CATSPERB: variants seen among roughly 807,000 people sequenced by gnomAD.
The protein encoded by CATSPERB is cation channel sperm-associated auxiliary subunit beta.
A neutral mutation model predicts 128.3 loss-of-function variants in CATSPERB; 93 were observed. The observed-to-expected ratio is 0.72, with a 90% CI of 0.61 to 0.86. CATSPERB has a LOEUF of 0.86. CATSPERB is among the 40% of genes least tolerant of loss of function. CATSPERB has a pLI of 0.00. For missense variants in CATSPERB, 1,153 were observed against 1,329.5 expected (o/e 0.87, Z 2.06); for synonymous variants, 381 against 448.8 (o/e 0.85, Z 1.91).
At chr14:91,613,828 C>A (rs1482795259) in intron 20 of CATSPERB, among the ~76,000 whole-genome samples, 2 of 152,114 alleles carry the variant, frequency 1.3e-5, no homozygotes, top group South Asian at 4.1e-4. Flanking sequence ...AAAAAGCACA[C>A]CCTGGGTGGA....
At chr14:91,589,512 T>C in intron 24 of CATSPERB, 22 bp downstream of exon 24, 1 of 1,600,326 alleles carries the variant, frequency 6.2e-7, no homozygotes, top group Non-Finnish European at 8.5e-7. Flanking sequence ...ATAAAATAAT[T>C]ACAGATGAAA....
At chr14:91,670,084 A>G in intron 13 of CATSPERB, 112 bp from the exon 14 acceptor site, 1 of 919,120 alleles carries the variant, frequency 1.1e-6, no homozygotes, top group South Asian at 1.5e-5. Flanking sequence ...AACACAACAT[A>G]GAACTAGAAG....
chr14:91,589,403 T>C, intron 24 of CATSPERB, 131 bp downstream of exon 24: 1 of 785,570 alleles, frequency 1.3e-6, no homozygotes, highest in Non-Finnish European at 1.9e-6. Flanking sequence ...ATATGCCAAC[T>C]GATCCAAATC....
At chr14:91,708,525 G>A (rs1182911601) in intron 5 of CATSPERB, among the ~76,000 whole-genome samples, 2 of 152,104 alleles carry the variant, frequency 1.3e-5, no homozygotes, top group African/African-American at 2.4e-5. Context: ...AGCAAATTGT[G>A]ACTCTTCTTG....
intron 19 of CATSPERB, among the ~76,000 whole-genome samples, chr14:91,618,106 T>A (rs144682792): frequency 0.03 from 4,611 of 152,272 alleles, 216 homozygotes; most frequent in African/African-American, 0.11. Flanking sequence ...AAGGGGTGGA[T>A]TATTCATGCC....
In CATSPERB at chr14:91,712,914, A is replaced by T. The variant is rs1318206975; in HGVS notation, c.371-4678T>A. On this transcript the variant is annotated intron_variant, in intron 5 of 26. Coordinates refer to ENST00000256343, the MANE Select transcript of CATSPERB (RefSeq NM_024764.4). Reference sequence around the variant, plus strand: ...AAACCTACGCAGACATGGGGAGAACACGAGCACTCCACACAGACAGTGGCC... The same window carrying T: ...AAACCTACGCAGACATGGGGAGAACTCGAGCACTCCACACAGACAGTGGCC... 2.0e-5 allele frequency among the ~76,000 whole-genome samples: 3 copies of T among 152,224 alleles called. 1 individual carries two copies. In the East Asian group the frequency reaches 5.8e-4, roughly 29 times the overall value.
At chr14:91,646,933 G>A (rs910472816) in intron 15 of CATSPERB, among the ~76,000 whole-genome samples, 2 of 152,184 alleles carry the variant, frequency 1.3e-5, no homozygotes, top group African/African-American at 4.8e-5. Context: ...AAAAAATCAT[G>A]AATGGCTGGG....
At position 91,726,313 on chromosome 14, in the gene CATSPERB, T is replaced by C. The variant is rs143832511; in HGVS notation, c.80-1145A>G. On this transcript the variant is annotated intron_variant, in intron 2 of 26. Coordinates refer to ENST00000256343, the MANE Select transcript of CATSPERB (RefSeq NM_024764.4). ...AGGCTCCCACCCGTGGATGCTGCCA[T>C]GGAGCCAGAGCCCAGGCGTGCTCGT... Among the ~76,000 whole-genome samples, 815 of 152,306 alleles carry C rather than the reference T, an allele frequency of 5.4e-3. 6 individuals are homozygous for C. In the Middle Eastern group the frequency reaches 0.054, roughly 10 times the overall value.
At chr14:91,618,897 T>C (rs1893992480) in intron 19 of CATSPERB, among the ~76,000 whole-genome samples, 1 of 152,232 alleles carries the variant, frequency 6.6e-6, no homozygotes, top group African/African-American at 2.4e-5. Context: ...GAGTGAGGCC[T>C]GAGATTCTGC....
intron 22 of CATSPERB, chr14:91,604,737 T>C (rs1265907448): frequency 4.3e-6 from 7 of 1,613,742 alleles, no homozygotes; most frequent in African/African-American, 1.3e-5. Flanking sequence ...TTGCTCCACA[T>C]TGGAAAGTTC....
intron 22 of CATSPERB, among the ~76,000 whole-genome samples, chr14:91,601,481 T>C (rs1187403979): frequency 3.9e-5 from 6 of 152,244 alleles, no homozygotes; most frequent in Non-Finnish European, 8.8e-5. Flanking sequence ...TGAATATATA[T>C]GGTAAATTTT....
Position 91,608,288 on chromosome 14 carries a change from A to G in CATSPERB, c.2709+6T>C, listed in dbSNP as rs1893751547. On this transcript the variant is annotated splice_donor_region_variant and intron_variant, in intron 22 of 26. Coordinates refer to ENST00000256343, the MANE Select transcript of CATSPERB (RefSeq NM_024764.4). ...GTGCTAGATTATTTGTAAAAAAGTT[A>G]TTTACCTTTGACATGTGAAACATGT... The G allele has an allele frequency of 1.3e-6, 2 of 1,554,278 alleles. No individual in the cohort carries two copies. Among genetic ancestry groups the G allele is most frequent in the African/African-American group, 2.7e-5 (2 of 73,622 alleles).
At chr14:91,599,688 G>A (rs556904233) in intron 22 of CATSPERB, among the ~76,000 whole-genome samples, 3 of 152,240 alleles carry the variant, frequency 2.0e-5, no homozygotes, top group African/African-American at 7.2e-5. Flanking sequence ...GACATGAGAC[G>A]TCAATCAATA....
chr14:91,633,976 A>G (rs1477245129), intron 17 of CATSPERB, among the ~76,000 whole-genome samples: 1 of 152,118 alleles, frequency 6.6e-6, no homozygotes, highest in African/African-American at 2.4e-5. Flanking sequence ...TAAGGAAAAA[A>G]CAAAAAAAAT....
In CATSPERB at chr14:91,653,871, G is replaced by A. The variant is rs139560607; in HGVS notation, c.1432+5966C>T. Among the ~76,000 whole-genome samples, 1,196 of 152,268 alleles carry A rather than the reference G, an allele frequency of 7.9e-3. 8 individuals are homozygous for A. The highest frequency in any genetic ancestry group is 0.026 in the African/African-American group (1,100 of 41,544). On this transcript the variant is annotated intron_variant, in intron 15 of 26. Coordinates refer to ENST00000256343, the MANE Select transcript of CATSPERB (RefSeq NM_024764.4). ...ATCAAGCCCTCATAAGTGAAGCCAG[G>A]TTTACCACTTTCCAAGGCACTTTAC... is the stretch of plus-strand genomic sequence containing the variant.
intron 21 of CATSPERB, among the ~76,000 whole-genome samples, chr14:91,609,300 T>C (rs1704645): frequency 0.67 from 101,110 of 151,982 alleles, 34,453 homozygotes; most frequent in Admixed American, 0.76. Context: ...TTTACAGTAT[T>C]ACACGATGAA....
chr14:91,690,064 T>C (rs12436430), intron 10 of CATSPERB, among the ~76,000 whole-genome samples: 17,597 of 152,190 alleles, frequency 0.12, 1,106 homozygotes, highest in Non-Finnish European at 0.14. Flanking sequence ...ACGATCTCGA[T>C]TCACTGCAAC....
At chr14:91,627,763 T>A (rs1257020976) in intron 17 of CATSPERB, among the ~76,000 whole-genome samples, 2 of 151,976 alleles carry the variant, frequency 1.3e-5, no homozygotes, top group African/African-American at 4.8e-5. Context: ...AGGCCAGGAG[T>A]TGGAGACCAG....
intron 21 of CATSPERB, among the ~76,000 whole-genome samples, chr14:91,609,884 C>A (rs1285031886): frequency 1.3e-5 from 2 of 152,076 alleles, no homozygotes; most frequent in Admixed American, 1.3e-4. Context: ...CCGTGCCGGG[C>A]TAATTTTTGT....
Sources: gnomAD v4.1 joint callset for allele counts (sites outside exome capture counted in the v4.1 genomes callset) on GRCh38, gnomAD v4.1.1 for gene constraint, MANE v1.5 for transcripts, NCBI Gene and HGNC (gene_info 2026-07-23, HGNC 2026-07-21) for gene names.